The following MEIS2 variants were observed in gnomAD, a reference collection of about 807,000 sequenced individuals.
MEIS2 encodes the protein homeobox protein Meis2.
A neutral mutation model predicts 58.6 loss-of-function variants in MEIS2; 9 were observed. The ratio of observed to expected loss-of-function variants is 0.15; its 90% CI spans 0.09 to 0.27. The LOEUF is 0.27. Among genes scored for constraint, MEIS2 ranks in the 10% least tolerant of loss-of-function variants. The probability of loss-of-function intolerance (pLI) is 1.00; values close to 1 mark genes in which losing one functional copy is unlikely to be tolerated. For missense variants in MEIS2, 427 were observed against 635.0 expected (o/e 0.67, Z 3.52); for synonymous variants, 221 against 228.4 (o/e 0.97, Z 0.29).
intron 8 of MEIS2, among the ~76,000 whole-genome samples, chr15:36,973,770 A>C (rs1256837259): frequency 6.6e-6 from 1 of 152,132 alleles, no homozygotes; most frequent in Non-Finnish European, 1.5e-5. Context: ...AATTAAAAAA[A>C]CCCTAAAAAC....
At chr15:36,939,140 C>A (rs923277408) in intron 9 of MEIS2, among the ~76,000 whole-genome samples, 2 of 152,184 alleles carry the variant, frequency 1.3e-5, no homozygotes, top group Non-Finnish European at 2.9e-5. Flanking sequence ...AACTTCCAAT[C>A]TAATCTCCTC....
At chr15:36,907,439 T>C (rs2056795132) in intron 9 of MEIS2, among the ~76,000 whole-genome samples, 1 of 152,224 alleles carries the variant, frequency 6.6e-6, no homozygotes, top group Non-Finnish European at 1.5e-5. Context: ...GCTGTGCATG[T>C]GAATGTCCCC....
At chr15:37,033,368 C>T (rs2141721504) in intron 8 of MEIS2, among the ~76,000 whole-genome samples, 1 of 152,180 alleles carries the variant, frequency 6.6e-6, no homozygotes, top group East Asian at 1.9e-4. Flanking sequence ...CTTGGCAGCC[C>T]CCTTCTTTAA....
intron 8 of MEIS2, among the ~76,000 whole-genome samples, chr15:37,000,629 T>C (rs2060688725): frequency 6.6e-6 from 1 of 152,142 alleles, no homozygotes; most frequent in Admixed American, 6.6e-5. Context: ...AGAGCCATTC[T>C]TCCACGTTGC....
At chr15:37,094,605 T>A (rs1217551714) in intron 4 of MEIS2, 28 bp from the exon 5 acceptor site, 1 of 1,602,750 alleles carries the variant, frequency 6.2e-7, no homozygotes, top group Non-Finnish European at 8.5e-7. Flanking sequence ...GGAATGGAGT[T>A]AGAGCTCTGT....
In MEIS2 at chr15:36,892,272, A is replaced by G. The variant is rs2055902617; in HGVS notation, c.1335T>C (p.Pro445=). The G allele has an allele frequency of 6.2e-7, 1 of 1,613,880 alleles. No homozygotes were observed. The highest frequency in any genetic ancestry group is 1.3e-5 in the African/African-American group (1 of 74,860). Residue 445 remains proline, a synonymous_variant, in exon 12 of 12, where the codon CCT becomes CCC. Coordinates refer to ENST00000561208, the MANE Select transcript of MEIS2 (RefSeq NM_170675.5). The part of the protein sequence containing the change: ...HPAMMMHGGP[P]THPGMTMSAQ... ...CTGACATAGTCATTCCAGGGTGGGTAGGGGGTCCTCCGTGCATCATCATGG... is the reference window on the plus strand; with the variant it reads ...CTGACATAGTCATTCCAGGGTGGGTGGGGGGTCCTCCGTGCATCATCATGG...
chr15:37,077,194 C>T (rs770980862), intron 7 of MEIS2, among the ~76,000 whole-genome samples: 5 of 152,026 alleles, frequency 3.3e-5, no homozygotes, highest in East Asian at 1.9e-4. Context: ...TACCCTGATC[C>T]GTGTGAGGAA....
At position 37,089,143 on chromosome 15, in the gene MEIS2, C is replaced by T. The variant is rs372317039; in HGVS notation, c.639+4438G>A. On this transcript the variant is annotated intron_variant, in intron 6 of 11. Coordinates refer to ENST00000561208, the MANE Select transcript of MEIS2 (RefSeq NM_170675.5). ...AGCCATGCTTCCTTGAGTTGGTGGACAGAGCTCAGAAGTAGAACTTTATCG... is the reference window on the plus strand; with the variant it reads ...AGCCATGCTTCCTTGAGTTGGTGGATAGAGCTCAGAAGTAGAACTTTATCG... Among the ~76,000 whole-genome samples, 10 of 152,258 alleles carry T rather than the reference C, an allele frequency of 6.6e-5. 2 individuals carry two copies. The highest frequency in any genetic ancestry group is 2.2e-4 in the African/African-American group (9 of 41,560).
intron 8 of MEIS2, among the ~76,000 whole-genome samples, chr15:37,017,674 C>T (rs1470892632): frequency 2.0e-5 from 3 of 152,112 alleles, no homozygotes; most frequent in Non-Finnish European, 2.9e-5. Flanking sequence ...AGAAAAATAC[C>T]GCTAACTAAG....
chr15:37,060,899 A>T (rs1225572827), intron 7 of MEIS2, among the ~76,000 whole-genome samples: 1 of 152,216 alleles, frequency 6.6e-6, no homozygotes, highest in Non-Finnish European at 1.5e-5. Flanking sequence ...CAGGTGTTTA[A>T]TAATGAAGTG....
At chr15:37,064,989 T>C (rs1333563575) in intron 7 of MEIS2, among the ~76,000 whole-genome samples, 1 of 152,196 alleles carries the variant, frequency 6.6e-6, no homozygotes, top group African/African-American at 2.4e-5. Context: ...ACTTTGAACA[T>C]AGGATACTAC....
chr15:37,092,944 C>T (rs1893724894), intron 6 of MEIS2, among the ~76,000 whole-genome samples: 1 of 151,982 alleles, frequency 6.6e-6, no homozygotes, highest in South Asian at 2.1e-4. Flanking sequence ...TTCTGTAATA[C>T]ATTGTTAATA....
At chr15:36,953,641 C>A (rs963294037) in intron 8 of MEIS2, among the ~76,000 whole-genome samples, 1 of 152,136 alleles carries the variant, frequency 6.6e-6, no homozygotes, top group Non-Finnish European at 1.5e-5. Flanking sequence ...AATTCTAAAG[C>A]CACTGTTGAA....
At chr15:37,002,300 C>T (rs892010878) in intron 8 of MEIS2, among the ~76,000 whole-genome samples, 6 of 151,428 alleles carry the variant, frequency 4.0e-5, no homozygotes, top group Non-Finnish European at 8.8e-5. Flanking sequence ...CCCTCCTCCT[C>T]CCCGCTTCTG....
chr15:36,963,237 G>A (rs145389766), intron 8 of MEIS2, among the ~76,000 whole-genome samples: 25 of 152,180 alleles, frequency 1.6e-4, no homozygotes, highest in African/African-American at 2.7e-4. Context: ...AAATTTAGCC[G>A]GGCATGGTGG....
intron 7 of MEIS2, among the ~76,000 whole-genome samples, chr15:37,046,571 T>A (rs2141782456): frequency 6.6e-6 from 1 of 152,304 alleles, no homozygotes; most frequent in Admixed American, 6.5e-5. Context: ...TGGCTGTGTT[T>A]TAGGCTTTAG....
chr15:36,912,697 T>C (rs1487329001), intron 9 of MEIS2, among the ~76,000 whole-genome samples: 3 of 152,318 alleles, frequency 2.0e-5, no homozygotes, highest in East Asian at 3.9e-4. Context: ...AGATTAAACA[T>C]GCTCTGCATA....
chr15:37,056,575 G>A (rs1386022290), intron 7 of MEIS2, among the ~76,000 whole-genome samples: 1 of 152,182 alleles, frequency 6.6e-6, no homozygotes, highest in Non-Finnish European at 1.5e-5. Context: ...GAAAGTTTTC[G>A]AAACATGTCC....
chr15:36,960,571 G>T (rs528565619), intron 8 of MEIS2, among the ~76,000 whole-genome samples: 2 of 152,024 alleles, frequency 1.3e-5, no homozygotes, highest in African/African-American at 2.4e-5. Flanking sequence ...AAACTCTAAG[G>T]TATAAAACAA....
Sources: allele counts gnomAD v4.1 joint callset (sites outside exome capture counted in the v4.1 genomes callset), GRCh38; gene constraint gnomAD v4.1.1; transcripts MANE v1.5; gene names NCBI Gene and HGNC (gene_info 2026-07-23, HGNC 2026-07-21).